Variants in CCDC138 observed in about 807,000 individuals in gnomAD.
CCDC138 encodes the protein coiled-coil domain-containing protein 138.
Under a neutral mutation model 82.3 loss-of-function variants are expected in CCDC138, and 66 were observed. That is an observed-to-expected ratio of 0.80 (90% CI 0.66 to 0.98). The LOEUF (loss-of-function observed/expected upper bound fraction) is 0.98. Among genes scored for constraint, CCDC138 ranks in the 50% least tolerant of loss-of-function variants. The pLI is 0.00. For missense variants in CCDC138, 816 were observed against 758.9 expected, an observed-to-expected ratio of 1.08 and a Z score of -0.88; for synonymous variants, 297 against 265.4, an observed-to-expected ratio of 1.12 and a Z score of -1.16.
At chr2:108,850,050 A>G (rs565629800) in intron 12 of CCDC138, among the ~76,000 whole-genome samples, 1 of 152,382 alleles carries the variant, frequency 6.6e-6, no homozygotes, top group South Asian at 2.1e-4. Flanking sequence ...GCCAGCACCT[A>G]GGAAGAAATG....
intron 5 of CCDC138, among the ~76,000 whole-genome samples, chr2:108,795,085 C>T (rs951332676): frequency 2.0e-5 from 3 of 150,248 alleles, no homozygotes; most frequent in Non-Finnish European, 3.0e-5. Flanking sequence ...TGTCAACTCT[C>T]ATCAAAATTG....
Position 108,798,535 on chromosome 2 carries a change from A to G in CCDC138, c.684A>G (p.Lys228=), listed in dbSNP as rs774489766. 9.6e-5 allele frequency: 155 copies of G among 1,613,732 alleles called. No individual in the cohort carries two copies. The highest frequency in any genetic ancestry group is 1.2e-4 in the Non-Finnish European group (143 of 1,179,848). ...TCAGACATGAAAATGCCTTGAGTAAAATTAAAGGTGTTGAAGAAGAGGTTC... is the reference window on the plus strand; with the variant it reads ...TCAGACATGAAAATGCCTTGAGTAAGATTAAAGGTGTTGAAGAAGAGGTTC... ...LLFRHENALS[K]IKGVEEEVLT... Residue 228 remains lysine (K), a synonymous_variant, in exon 6 of 15, where the codon AAA becomes AAG. Coordinates refer to ENST00000295124, the MANE Select transcript of CCDC138 (RefSeq NM_144978.3).
At chr2:108,860,616 G>C (rs1693408971) in intron 13 of CCDC138, among the ~76,000 whole-genome samples, 1 of 151,468 alleles carries the variant, frequency 6.6e-6, no homozygotes, top group Non-Finnish European at 1.5e-5. Context: ...ACTGATTTGC[G>C]TATATTGAAT....
chr2:108,817,670 A>G (rs1408971653), intron 10 of CCDC138, among the ~76,000 whole-genome samples: 1 of 152,222 alleles, frequency 6.6e-6, no homozygotes, highest in Non-Finnish European at 1.5e-5. Context: ...CTCTAACTGC[A>G]GCAAACTGGA....
chr2:108,789,275 T>A (rs1182037421), intron 3 of CCDC138, among the ~76,000 whole-genome samples: 1 of 152,230 alleles, frequency 6.6e-6, no homozygotes, highest in Non-Finnish European at 1.5e-5. Flanking sequence ...CTCTGCTCCC[T>A]TTCTTTAAAA....
chr2:108,798,223 A>G (rs543177190), intron 5 of CCDC138, among the ~76,000 whole-genome samples: 2 of 152,286 alleles, frequency 1.3e-5, no homozygotes, highest in South Asian at 2.1e-4. Context: ...GACTCTTACT[A>G]TAGTGTCATA....
At chr2:108,815,461 G>GTTTTTTTTTTTTT (rs35206784) in intron 9 of CCDC138, among the ~76,000 whole-genome samples, 3 of 70,742 alleles carry the variant, frequency 4.2e-5, no homozygotes, top group Admixed American at 2.1e-4. Context: ...GGTTTTTGGT[G>GTTTTTTTTTTTTT]TTTTTTTTTT....
chr2:108,864,560 G>A (rs1237722135), intron 13 of CCDC138, among the ~76,000 whole-genome samples: 1 of 152,028 alleles, frequency 6.6e-6, no homozygotes, highest in African/African-American at 2.4e-5. Flanking sequence ...CACTTTGGGA[G>A]GCCAAGGCGG....
intron 10 of CCDC138, among the ~76,000 whole-genome samples, chr2:108,823,697 T>C (rs377701618): frequency 1.2e-4 from 18 of 152,288 alleles, no homozygotes; most frequent in African/African-American, 4.1e-4. Flanking sequence ...AGGGTGCACC[T>C]GGGCCAGGCT....
At chr2:108,856,746 C>T in intron 12 of CCDC138, 48 bp from the exon 13 acceptor site, 9 of 1,571,988 alleles carry the variant, frequency 5.7e-6, no homozygotes, top group Non-Finnish European at 6.9e-6. Context: ...TTCTGATTGA[C>T]ACCTAGACTA....
downstream of CCDC138, among the ~76,000 whole-genome samples, chr2:108,879,074 C>CT (rs1696209894): frequency 6.6e-6 from 1 of 152,138 alleles, no homozygotes; most frequent in East Asian, 1.9e-4. Flanking sequence ...GGACTGTTCT[C>CT]TAGGAAAAGA....
chr2:108,858,354 A>C lies in CCDC138; in HGVS notation c.1693+1384A>C, dbSNP rs550032279. Among the ~76,000 whole-genome samples, 3 of 151,812 alleles carry C rather than the reference A, an allele frequency of 2.0e-5. No individual in the cohort carries two copies. The South Asian group carries it at 6.2e-4, about 31-fold the overall frequency. On this transcript the variant is annotated intron_variant, in intron 13 of 14. Coordinates refer to ENST00000295124, the MANE Select transcript of CCDC138 (RefSeq NM_144978.3). ...GTAAGTCTCCGTCTCAAAAACAAAC[A>C]AACAAACAAAAAAAACACCAACGCT...
At chr2:108,807,679 A>G (rs954488706) in intron 7 of CCDC138, among the ~76,000 whole-genome samples, 10 of 152,176 alleles carry the variant, frequency 6.6e-5, no homozygotes, top group African/African-American at 2.4e-4. Flanking sequence ...GTGCAGTGGC[A>G]TGATCTCGGC....
chr2:108,877,865 G>T (rs1173359091), downstream of CCDC138, among the ~76,000 whole-genome samples: 1 of 152,146 alleles, frequency 6.6e-6, no homozygotes, highest in African/African-American at 2.4e-5. Flanking sequence ...AAGGATAAAA[G>T]CACAAACAAA....
intron 2 of CCDC138, chr2:108,882,986 T>C (rs1375606464): frequency 6.6e-6 from 1 of 152,032 alleles, no homozygotes; most frequent in Non-Finnish European, 1.5e-5. Flanking sequence ...GCAAGTCAGG[T>C]GGGGCTAAAA....
intron 10 of CCDC138, among the ~76,000 whole-genome samples, chr2:108,827,127 T>A (rs1420170328): frequency 6.6e-6 from 1 of 152,166 alleles, no homozygotes; most frequent in Non-Finnish European, 1.5e-5. Flanking sequence ...TTAACATTAT[T>A]CTAAAGCAAA....
intron 12 of CCDC138, among the ~76,000 whole-genome samples, chr2:108,855,340 A>G (rs1287411912): frequency 2.6e-5 from 4 of 152,216 alleles, no homozygotes; most frequent in Non-Finnish European, 5.9e-5. Context: ...AAAACTGTAT[A>G]GTATTCAACC....
chr2:108,818,232 G>C (rs922377856), intron 10 of CCDC138, among the ~76,000 whole-genome samples: 15 of 152,082 alleles, frequency 9.9e-5, no homozygotes, highest in African/African-American at 2.7e-4. Context: ...CCTGAACCTG[G>C]GGGGGTCGAG....
At chr2:108,808,818 T>A (rs554458011) in intron 7 of CCDC138, among the ~76,000 whole-genome samples, 1 of 152,324 alleles carries the variant, frequency 6.6e-6, no homozygotes, top group Admixed American at 6.5e-5. Flanking sequence ...ATTCTTTTTA[T>A]TGTTTCCAAT....
Sources: gnomAD v4.1 joint callset for allele counts (sites outside exome capture counted in the v4.1 genomes callset) on GRCh38, gnomAD v4.1.1 for gene constraint, MANE v1.5 for transcripts, NCBI Gene and HGNC (gene_info 2026-07-23, HGNC 2026-07-21) for gene names.